TENM2: variants seen among roughly 807,000 people sequenced by gnomAD.
The protein encoded by TENM2 is teneurin transmembrane protein 2.
A neutral mutation model predicts 245.2 loss-of-function variants in TENM2; 52 were observed. That is an observed-to-expected ratio of 0.21 (90% CI 0.17 to 0.27). The LOEUF is 0.27. TENM2 is among the 10% of genes least tolerant of loss of function. The pLI, the probability that TENM2 is intolerant of heterozygous loss-of-function variation, is 1.00. For synonymous variants in TENM2, 1,363 were observed against 1,438.9 expected (o/e 0.95, Z 1.19); for missense variants, 3,046 against 3,666.8 (o/e 0.83, Z 4.37).
intron 6 of TENM2, among the ~76,000 whole-genome samples, chr5:168,056,236 A>C (rs1236360294): frequency 6.6e-6 from 1 of 152,188 alleles, no homozygotes; most frequent in Non-Finnish European, 1.5e-5. Flanking sequence ...AGTCACTGAG[A>C]TGGTTCCCCA....
At chr5:167,808,449 G>A (rs563065888) in intron 2 of TENM2, among the ~76,000 whole-genome samples, 3 of 152,222 alleles carry the variant, frequency 2.0e-5, no homozygotes, top group South Asian at 2.1e-4. Flanking sequence ...TAGTAGAGAC[G>A]GGGTTTTGCC....
the TENM2 span, among the ~76,000 whole-genome samples, chr5:167,005,615 G>A: frequency 1.3e-4 from 19 of 146,108 alleles, no homozygotes; most frequent in Admixed American, 1.3e-3. Context: ...AGATGTACTT[G>A]CCGAGAGTAA....
the TENM2 span, among the ~76,000 whole-genome samples, chr5:166,980,746 T>C: frequency 6.6e-6 from 1 of 152,306 alleles, no homozygotes; most frequent in African/African-American, 2.4e-5. Flanking sequence ...AGGGGGCCTC[T>C]GTGGTACAGC....
At chr5:168,172,072 T>G (rs1758887396) in intron 13 of TENM2, among the ~76,000 whole-genome samples, 1 of 152,176 alleles carries the variant, frequency 6.6e-6, no homozygotes, top group African/African-American at 2.4e-5. Flanking sequence ...CCCAGGAACA[T>G]CTGGCAATGA....
intron 2 of TENM2, among the ~76,000 whole-genome samples, chr5:167,637,968 TTAAAG>T (rs951437113): frequency 1.4e-5 from 2 of 143,948 alleles, no homozygotes; most frequent in African/African-American, 5.5e-5. Context: ...ATCCCAGAAC[TTAAAG>T]TAAAAAAAAA....
chr5:167,139,170 G>A, the TENM2 span, among the ~76,000 whole-genome samples: 1 of 152,170 alleles, frequency 6.6e-6, no homozygotes, highest in East Asian at 1.9e-4. Flanking sequence ...CATGGGTCTC[G>A]TCCAAGAACT....
At chr5:166,998,647 T>C in the TENM2 span, among the ~76,000 whole-genome samples, 7 of 152,076 alleles carry the variant, frequency 4.6e-5, no homozygotes, top group Non-Finnish European at 8.8e-5. Context: ...GGAGGAGAAA[T>C]GTATAGATTA....
the TENM2 span, among the ~76,000 whole-genome samples, chr5:167,076,984 C>T: frequency 1.8e-3 from 268 of 152,152 alleles, no homozygotes; most frequent in African/African-American, 6.0e-3. Flanking sequence ...CACCACCATA[C>T]CCAGCCAATT....
chr5:167,905,434 T>C (rs1202028273), intron 3 of TENM2, among the ~76,000 whole-genome samples: 2 of 152,168 alleles, frequency 1.3e-5, no homozygotes, highest in Non-Finnish European at 2.9e-5. Context: ...TCATACCAGC[T>C]CGTAACAGTG....
At chr5:168,252,341 G>A in intron 27 of TENM2, among the ~76,000 whole-genome samples, 1 of 146,226 alleles carries the variant, frequency 6.8e-6, no homozygotes, top group Non-Finnish European at 1.5e-5. Context: ...TTGTGCCATG[G>A]CACTCTTTTT....
At chr5:167,084,191 A>G in the TENM2 span, among the ~76,000 whole-genome samples, 5 of 151,022 alleles carry the variant, frequency 3.3e-5, no homozygotes, top group African/African-American at 1.2e-4. Flanking sequence ...CTGAACAGTG[A>G]TAAGATGAAT....
intron 2 of TENM2, among the ~76,000 whole-genome samples, chr5:167,753,929 G>A (rs184392824): frequency 3.3e-5 from 5 of 152,088 alleles, no homozygotes; most frequent in African/African-American, 9.7e-5. Flanking sequence ...ATTATGCTCC[G>A]TCAGTCATTC....
intron 12 of TENM2, among the ~76,000 whole-genome samples, chr5:168,151,360 G>A (rs2152425234): frequency 6.6e-6 from 1 of 152,280 alleles, no homozygotes; most frequent in Middle Eastern, 3.4e-3. Context: ...ATAGCATTCA[G>A]TCCCTCCTCA....
intron 3 of TENM2, among the ~76,000 whole-genome samples, chr5:167,942,724 T>C (rs1229756750): frequency 1.3e-5 from 2 of 152,168 alleles, no homozygotes; most frequent in African/African-American, 4.8e-5. Context: ...TCATCATTCA[T>C]GCAACATCAT....
chr5:167,003,743 T>C, the TENM2 span, among the ~76,000 whole-genome samples: 1 of 152,180 alleles, frequency 6.6e-6, no homozygotes, highest in Non-Finnish European at 1.5e-5. Flanking sequence ...TCTCAAACTA[T>C]AGTAAAATGT....
intron 2 of TENM2, among the ~76,000 whole-genome samples, chr5:167,700,189 T>A (rs1441626772): frequency 6.6e-6 from 1 of 152,180 alleles, no homozygotes; most frequent in Non-Finnish European, 1.5e-5. Flanking sequence ...ACTGCTCCCT[T>A]GATAGAGAGA....
At chr5:167,894,041 A>C (rs1337714314) in intron 3 of TENM2, among the ~76,000 whole-genome samples, 1 of 152,208 alleles carries the variant, frequency 6.6e-6, no homozygotes, top group Non-Finnish European at 1.5e-5. Context: ...CAGCATAATC[A>C]TTTATGCATC....
At chr5:167,754,790 C>T in intron 2 of TENM2, 1 of 329,078 alleles carries the variant, frequency 3.0e-6, no homozygotes. Flanking sequence ...ATGTCAGAGA[C>T]ATTACATGGG....
chr5:167,445,363 A>G lies in TENM2; in HGVS notation c.502+69890A>G, dbSNP rs796464549. ...GAGAGAGAGAGAGAGAGAGAGAGAG[A>G]GAGAGAGTGTCAGGTGTTGTCTTGT... On this transcript the variant is annotated intron_variant, in intron 2 of 28. Transcript: ENST00000518659. 1.4e-3 allele frequency among the ~76,000 whole-genome samples: 194 copies of G among 139,716 alleles called. 6 individuals carry two copies. The South Asian group carries it at 0.049, about 35-fold the overall frequency. The allele number at this position is 139,716 out of a possible 152,430, so 91.7% of individuals were successfully genotyped here.
Sources: gnomAD v4.1 joint callset for allele counts (sites outside exome capture counted in the v4.1 genomes callset) on GRCh38, gnomAD v4.1.1 for gene constraint, MANE v1.5 for transcripts, NCBI Gene and HGNC (gene_info 2026-07-23, HGNC 2026-07-21) for gene names.